The following PRKCE variants were observed in gnomAD, a reference collection of about 807,000 sequenced individuals.
PRKCE encodes the protein protein kinase C epsilon type.
A neutral mutation model predicts 85.4 loss-of-function variants in PRKCE; 16 were observed. That is an observed-to-expected ratio of 0.19 (90% CI 0.13 to 0.28). PRKCE has a LOEUF of 0.28. PRKCE is among the 10% of genes least tolerant of loss of function. The pLI is 1.00. For missense variants in PRKCE, 573 were observed against 975.2 expected (o/e 0.59, Z 5.49); for synonymous variants, 388 against 371.5 (o/e 1.04, Z -0.51).
intron 1 of PRKCE, among the ~76,000 whole-genome samples, chr2:45,694,736 C>T (rs951154814): frequency 3.3e-5 from 5 of 152,024 alleles, no homozygotes; most frequent in African/African-American, 1.2e-4. Flanking sequence ...GGGTGGATGG[C>T]CAATATGCTG....
intron 14 of PRKCE, among the ~76,000 whole-genome samples, chr2:46,175,753 T>C (rs920184933): frequency 1.3e-5 from 2 of 152,078 alleles, no homozygotes; most frequent in Non-Finnish European, 2.9e-5. Flanking sequence ...CAATATAAAA[T>C]AGACCAAGAA....
chr2:45,911,005 A>C (rs895245655), intron 2 of PRKCE, among the ~76,000 whole-genome samples: 2 of 152,232 alleles, frequency 1.3e-5, no homozygotes, highest in African/African-American at 4.8e-5. Flanking sequence ...CTGATCACAA[A>C]GTGAAAAATG....
chr2:46,011,661 A>T (rs1259123250), intron 10 of PRKCE, among the ~76,000 whole-genome samples: 1 of 152,200 alleles, frequency 6.6e-6, no homozygotes, highest in African/African-American at 2.4e-5. Context: ...GTCTCAACAC[A>T]CGTATGTTTA....
At chr2:46,008,953 A>G (rs1236785858) in intron 9 of PRKCE, among the ~76,000 whole-genome samples, 1 of 152,230 alleles carries the variant, frequency 6.6e-6, no homozygotes, top group African/African-American at 2.4e-5. Context: ...GGCGACAAAA[A>G]GTCTTCAGGT....
chr2:45,918,452 A>G (rs910495630), intron 2 of PRKCE, among the ~76,000 whole-genome samples: 1 of 152,242 alleles, frequency 6.6e-6, no homozygotes, highest in Non-Finnish European at 1.5e-5. Context: ...ATACATATTT[A>G]AGATTCAGCC....
At chr2:45,678,014 C>T (rs1046301490) in intron 1 of PRKCE, 1 of 534,358 alleles carries the variant, frequency 1.9e-6, no homozygotes, top group African/African-American at 2.1e-5. Context: ...TTTTAGAACC[C>T]AATCGAAGAA....
intron 2 of PRKCE, among the ~76,000 whole-genome samples, chr2:45,883,109 T>C (rs1331193676): frequency 6.6e-6 from 1 of 152,264 alleles, no homozygotes; most frequent in East Asian, 1.9e-4. Context: ...TAGTACTTCT[T>C]TGAGGTACTG....
intron 2 of PRKCE, among the ~76,000 whole-genome samples, chr2:45,935,808 T>A (rs1455597131): frequency 6.6e-6 from 1 of 150,934 alleles, no homozygotes; most frequent in Non-Finnish European, 1.5e-5. Context: ...AATCGCAGCT[T>A]AGCTGAATTC....
chr2:45,801,233 G>C (rs1401213498), intron 1 of PRKCE, among the ~76,000 whole-genome samples: 1 of 152,182 alleles, frequency 6.6e-6, no homozygotes, highest in Non-Finnish European at 1.5e-5. Context: ...TACCATAGAA[G>C]AGTGTTAAGC....
intron 1 of PRKCE, among the ~76,000 whole-genome samples, chr2:45,717,472 A>C (rs1680234241): frequency 6.6e-6 from 1 of 152,200 alleles, no homozygotes; most frequent in African/African-American, 2.4e-5. Context: ...GGAAAGTTTT[A>C]CTTGCAAAGG....
intron 1 of PRKCE, among the ~76,000 whole-genome samples, chr2:45,719,147 A>G (rs1355462423): frequency 6.6e-6 from 1 of 152,230 alleles, no homozygotes; most frequent in Non-Finnish European, 1.5e-5. Context: ...GGGCGGTGCT[A>G]GGATGGGCAC....
At chr2:45,667,522 G>A (rs1675972932) in intron 1 of PRKCE, among the ~76,000 whole-genome samples, 3 of 151,812 alleles carry the variant, frequency 2.0e-5, no homozygotes, top group African/African-American at 7.3e-5. Context: ...TTTGCACTAG[G>A]GTATTCTCCT....
At chr2:45,921,441 G>A (rs1698241161) in intron 2 of PRKCE, among the ~76,000 whole-genome samples, 1 of 152,240 alleles carries the variant, frequency 6.6e-6, no homozygotes, top group Admixed American at 6.5e-5. Context: ...TTGCGTGCCA[G>A]CTACTCTTTC....
intron 1 of PRKCE, among the ~76,000 whole-genome samples, chr2:45,656,861 A>G (rs545135568): frequency 3.9e-5 from 6 of 152,348 alleles, no homozygotes; most frequent in African/African-American, 1.2e-4. Context: ...TTTTACATAG[A>G]TATGTCCTGA....
intron 14 of PRKCE, among the ~76,000 whole-genome samples, chr2:46,161,541 G>A (rs370009383): frequency 6.6e-6 from 1 of 152,004 alleles, no homozygotes; most frequent in Non-Finnish European, 1.5e-5. Flanking sequence ...GGCCCCAGCT[G>A]TACTGGCAGA....
intron 11 of PRKCE, among the ~76,000 whole-genome samples, chr2:46,135,292 A>C (rs756412854): frequency 6.6e-6 from 1 of 152,232 alleles, no homozygotes; most frequent in Non-Finnish European, 1.5e-5. Context: ...CTATCCCATG[A>C]AAGGGCGGGC....
chr2:45,942,618 C>T (rs548365033), intron 2 of PRKCE, among the ~76,000 whole-genome samples: 3 of 152,192 alleles, frequency 2.0e-5, no homozygotes, highest in South Asian at 2.1e-4. Context: ...ACGAGGTCCC[C>T]GCAGGAAGGA....
intron 10 of PRKCE, among the ~76,000 whole-genome samples, chr2:46,015,055 G>C (rs937039699): frequency 1.3e-5 from 2 of 152,194 alleles, no homozygotes; most frequent in African/African-American, 4.8e-5. Flanking sequence ...TATCGGTAGA[G>C]GAGGGAGGTA....
intron 10 of PRKCE, among the ~76,000 whole-genome samples, chr2:46,048,461 C>G (rs982070478): frequency 1.3e-5 from 2 of 152,212 alleles, no homozygotes; most frequent in Admixed American, 6.5e-5. Flanking sequence ...ATGGGGTTCA[C>G]TGGGCTCAAT....
Sources: allele counts gnomAD v4.1 joint callset (sites outside exome capture counted in the v4.1 genomes callset), GRCh38; gene constraint gnomAD v4.1.1; transcripts MANE v1.5; gene names NCBI Gene and HGNC (gene_info 2026-07-23, HGNC 2026-07-21).